Variants in SELENOO observed in about 807,000 individuals in gnomAD.
The protein encoded by SELENOO is protein adenylyltransferase SelO, mitochondrial.
Under a neutral mutation model 58.7 loss-of-function variants are expected in SELENOO, and 74 were observed. That is an observed-to-expected ratio of 1.26 (90% CI 1.04 to 1.53). The LOEUF (loss-of-function observed/expected upper bound fraction) is 1.53, where lower values mean the gene tolerates loss of function less well. Among genes scored for constraint, SELENOO ranks in the 40% most tolerant of loss-of-function variants. SELENOO has a pLI of 0.00. For missense variants in SELENOO, 1,149 were observed against 970.0 expected, an observed-to-expected ratio of 1.18 and a Z score of -2.45; for synonymous variants, 543 against 453.2, an observed-to-expected ratio of 1.20 and a Z score of -2.52.
rs773256523 is a variant in SELENOO, at chr22:50,216,984, C to T, written c.1701C>T (p.Asp567=). 1.9e-6 allele frequency: 3 copies of T among 1,609,702 alleles called. No homozygotes were observed. The highest frequency in any genetic ancestry group is 2.2e-5 in the East Asian group (1 of 44,820). Residue 567 remains aspartate, a synonymous_variant, in exon 8 of 9, where the codon GAC becomes GAT. Coordinates refer to ENST00000380903, the MANE Select transcript of SELENOO (RefSeq NM_031454.2). The stretch of plus-strand genomic sequence containing the variant: ...GATGTCATTCCAGAGCCCGGCTGGA[C>T]AAGGACCTGGAAGGCGCTGGGGACG... The part of the protein sequence containing the change: ...DWLQAYRARL[D]KDLEGAGDAA...
At chr22:50,203,450 C>T (rs1316242434) in intron 1 of SELENOO, among the ~76,000 whole-genome samples, 2 of 152,170 alleles carry the variant, frequency 1.3e-5, no homozygotes, top group African/African-American at 4.8e-5. Context: ...AGTTGGAGGA[C>T]TCATGCTTCC....
chr22:50,202,853 A>G lies in SELENOO; in HGVS notation c.554+1263A>G, dbSNP rs555200647. On this transcript the variant is annotated intron_variant, in intron 1 of 8. Coordinates refer to ENST00000380903, the MANE Select transcript of SELENOO (RefSeq NM_031454.2). ...GGGTCCCTGGCCTCACCAGTTCTCC[A>G]AGATTGAGGCTAACGTCTGAAGTGG... is the stretch of plus-strand genomic sequence containing the variant. Among the ~76,000 whole-genome samples, 3 of 152,308 alleles carry G rather than the reference A, an allele frequency of 2.0e-5. No individual in the cohort carries two copies. The South Asian group carries it at 6.2e-4, about 32-fold the overall frequency.
chr22:50,210,658 C>T lies in SELENOO; in HGVS notation c.1098C>T (p.Ala366=). 3 of 1,612,996 alleles carry T rather than the reference C, an allele frequency of 1.9e-6. No individual in the cohort carries two copies. Among genetic ancestry groups the T allele is most frequent in the South Asian group, 1.1e-5 (1 of 91,080 alleles). Residue 366 remains alanine (A), a synonymous_variant, in exon 5 of 9, where the codon GCC becomes GCT. Coordinates refer to ENST00000380903, the MANE Select transcript of SELENOO (RefSeq NM_031454.2). ...DRYDPDHVCN[A]SDNTGRYAYS... is the part of the protein sequence containing the mutation. ...ACGACCCCGACCACGTGTGCAATGC[C>T]TCCGACAACACCGGCCGCTACGCGT... is the stretch of plus-strand genomic sequence containing the variant.
chr22:50,216,587 A>G (rs2064413682), intron 6 of SELENOO, 104 bp from the exon 7 acceptor site: 1 of 1,118,162 alleles, frequency 8.9e-7, no homozygotes, highest in African/African-American at 1.5e-5. Context: ...GGGCCCTTGG[A>G]CTCTAGGTGA....
Position 50,210,218 on chromosome 22 carries a change from A to G in SELENOO, c.977A>G (p.Gln326Arg). 6.2e-7 allele frequency: 1 copy of G among 1,613,358 alleles called. No individual in the cohort carries two copies. The highest frequency in any genetic ancestry group is 1.1e-5 in the South Asian group (1 of 91,082). The change falls in exon 4 of 9, where the codon CAG becomes CGG. Residue 326 changes from glutamine (Q) to arginine (R), a missense_variant. Gln to Arg is a conservative substitution (Grantham distance 43, BLOSUM62 1). Transcript: ENST00000380903. ...ACGGCGCGGATGGTGGCCGAGTGGC[A>G]GTGTGTGGGCTTCTGCCACGGCGTG... ...RRTARMVAEW[Q>R]CVGFCHGVLN...
chr22:50,210,055 C>A, intron 3 of SELENOO, 126 bp from the exon 4 acceptor site: 1 of 1,170,508 alleles, frequency 8.5e-7, no homozygotes, highest in Non-Finnish European at 1.2e-6. Flanking sequence ...GGAAGATCGC[C>A]CAGAAACTGC....
At chr22:50,215,580 G>A in intron 5 of SELENOO, 137 bp from the exon 6 acceptor site, 1 of 653,772 alleles carries the variant, frequency 1.5e-6, no homozygotes. Flanking sequence ...TGCTGGCGGT[G>A]GGGGGCGGTG....
chr22:50,216,233 G>C (rs1298678104), intron 6 of SELENOO, among the ~76,000 whole-genome samples: 1 of 152,230 alleles, frequency 6.6e-6, no homozygotes, highest in Non-Finnish European at 1.5e-5. Context: ...TGCAGGATGA[G>C]ACGTGGAAAA....
rs558684514 is a variant in SELENOO at position 50,214,237 on chromosome 22, G to A, written c.1352-1480G>A. Reference sequence around the variant, plus strand: ...GCTCACTGCAGCCTCCACTTCTTGTGCTCTAGTTATCCTCCTGCCTCAGCC... The same window carrying A: ...GCTCACTGCAGCCTCCACTTCTTGTACTCTAGTTATCCTCCTGCCTCAGCC... On this transcript the variant is annotated intron_variant, in intron 5 of 8. Coordinates refer to ENST00000380903, the MANE Select transcript of SELENOO (RefSeq NM_031454.2). Among the ~76,000 whole-genome samples, 17 of 152,314 alleles carry A rather than the reference G, an allele frequency of 1.1e-4. No homozygotes were observed. The South Asian group carries it at 3.1e-3, about 28-fold the overall frequency.
chr22:50,201,337 C>A lies in SELENOO; in HGVS notation c.301C>A (p.Pro101Thr). 1 of 1,165,560 alleles carries A rather than the reference C, an allele frequency of 8.6e-7. No homozygotes were observed. The highest frequency in any genetic ancestry group is 1.1e-6 in the Non-Finnish European group (1 of 947,430). 72.2% of individuals were successfully genotyped at this position (1,165,560 alleles called of 1,614,324 possible). The change falls in exon 1 of 9, where the codon CCC becomes ACC. Residue 101 changes from proline (P) to threonine (T), a missense_variant. By Grantham distance (38) the Pro-to-Thr change is conservative. Coordinates refer to ENST00000380903, the MANE Select transcript of SELENOO (RefSeq NM_031454.2). Reference sequence around the variant, plus strand: ...GCCGCGCCTCGTGGCGCTGTCAGAGCCCGCGCTGGCGTTGCTGGGCCTGGG... The same window carrying A: ...GCCGCGCCTCGTGGCGCTGTCAGAGACCGCGCTGGCGTTGCTGGGCCTGGG... ...RQPRLVALSE[P>T]ALALLGLGAP...
chr22:50,205,756 G>A (rs1165822006), intron 1 of SELENOO: 1 of 155,792 alleles, frequency 6.4e-6, no homozygotes, highest in East Asian at 1.9e-4. Flanking sequence ...CCGAAGACCT[G>A]TGGGGAAGGG....
At chr22:50,203,728 A>C (rs1473959161) in intron 1 of SELENOO, among the ~76,000 whole-genome samples, 1 of 152,234 alleles carries the variant, frequency 6.6e-6, no homozygotes, top group Non-Finnish European at 1.5e-5. Flanking sequence ...CCAAAGACCT[A>C]AACATAAGAG....
Position 50,206,478 on chromosome 22 carries a change from A to T in SELENOO, c.716A>T (p.Glu239Val). The change falls in exon 2 of 9, where the codon GAA (glutamate) becomes GTA (valine). Residue 239 changes from glutamate (E) to valine (V), a missense_variant. By Grantham distance (121) the Glu-to-Val change is moderately radical. Transcript: ENST00000380903. ...DVFYDGNPKY[E>V]QCTVVLRVAS... is the part of the protein sequence containing the mutation. ...TTCTATGATGGTAATCCCAAATATG[A>T]ACAATGCACGGTTGTGTTGCGTGTA... 1 of 1,614,156 alleles carries T rather than the reference A, an allele frequency of 6.2e-7. No homozygotes were observed. The highest frequency in any genetic ancestry group is 8.5e-7 in the Non-Finnish European group (1 of 1,180,028).
intron 1 of SELENOO, chr22:50,206,014 A>G (rs2064330533): frequency 8.8e-6 from 4 of 453,426 alleles, no homozygotes; most frequent in African/African-American, 6.0e-5. Flanking sequence ...CCCACTGTGC[A>G]GTCACACAGT....
chr22:50,214,273 C>T (rs1334120071), intron 5 of SELENOO, among the ~76,000 whole-genome samples: 1 of 152,218 alleles, frequency 6.6e-6, no homozygotes, highest in African/African-American at 2.4e-5. Context: ...TACCAAGTAG[C>T]TGGGATTACA....
At chr22:50,208,986 G>A (rs1360256373) in intron 3 of SELENOO, among the ~76,000 whole-genome samples, 1 of 152,174 alleles carries the variant, frequency 6.6e-6, no homozygotes, top group African/African-American at 2.4e-5. Context: ...GGGGTGCGGG[G>A]TGGGAGCTGG....
intron 1 of SELENOO, among the ~76,000 whole-genome samples, chr22:50,203,474 T>TA (rs1238460517): frequency 1.4e-4 from 21 of 152,204 alleles, no homozygotes; most frequent in Non-Finnish European, 2.9e-4. Flanking sequence ...TTTCAAAACT[T>TA]ACTACAAAGC....
chr22:50,213,106 G>GCT (rs1318752360), intron 5 of SELENOO, among the ~76,000 whole-genome samples: 4 of 152,184 alleles, frequency 2.6e-5, no homozygotes, highest in African/African-American at 9.7e-5. Context: ...TGTCGCCCAA[G>GCT]CTGGAGTGCA....
chr22:50,201,190 A>C lies in SELENOO; in HGVS notation c.154A>C (p.Asn52His). 1.6e-6 allele frequency: 2 copies of C among 1,212,216 alleles called. No homozygotes were observed. Among genetic ancestry groups the C allele is most frequent in the Non-Finnish European group, 1.0e-6 (1 of 975,514 alleles). 75.1% of individuals were successfully genotyped at this position (1,212,216 alleles called of 1,614,324 possible). A position where few individuals can be genotyped will look rare whatever the true frequency, so the allele number is the denominator to read the frequency against. ...PRWLAGLRFD[N>H]RALRALPVEA... The stretch of plus-strand genomic sequence containing the variant: ...CTGGCTGGCGGGGCTGCGCTTCGAC[A>C]ACCGCGCCCTGCGCGCCCTGCCCGT... The change falls in exon 1 of 9, where the codon AAC becomes CAC. Residue 52 changes from asparagine (N) to histidine (H), a missense_variant. Transcript: ENST00000380903.
Sources: gnomAD v4.1 joint callset for allele counts (sites outside exome capture counted in the v4.1 genomes callset) on GRCh38, gnomAD v4.1.1 for gene constraint, MANE v1.5 for transcripts, NCBI Gene and HGNC (gene_info 2026-07-23, HGNC 2026-07-21) for gene names.